PDS5A: variants seen among roughly 807,000 people sequenced by gnomAD.
PDS5A encodes sister chromatid cohesion protein PDS5 homolog A.
PDS5A carries 42 observed loss-of-function variants against 167.1 expected under a neutral mutation model. The observed-to-expected ratio is 0.25, with a 90% confidence interval of 0.20 to 0.33. PDS5A has a LOEUF of 0.33. PDS5A is among the 10% of genes least tolerant of loss of function. The pLI, the probability that PDS5A is intolerant of heterozygous loss-of-function variation, is 1.00. For missense variants in PDS5A, 1,033 were observed against 1,605.9 expected (o/e 0.64, Z 6.10); for synonymous variants, 553 against 554.6 (o/e 1.00, Z 0.04).
intron 26 of PDS5A, among the ~76,000 whole-genome samples, chr4:39,850,069 G>T (rs1024440572): frequency 6.6e-6 from 1 of 151,984 alleles, no homozygotes; most frequent in South Asian, 2.1e-4. Flanking sequence ...TCAGGAGATC[G>T]AGACCATCCT....
chr4:39,901,261 TCTTTC>T (rs1463602587), intron 13 of PDS5A, among the ~76,000 whole-genome samples: 2 of 134,530 alleles, frequency 1.5e-5, no homozygotes, highest in Admixed American at 1.5e-4. Context: ...TTTTTTCTTT[TCTTTC>T]TTTTTTTTTT....
At chr4:39,962,230 G>A (rs1401489370) in intron 2 of PDS5A, among the ~76,000 whole-genome samples, 1 of 151,932 alleles carries the variant, frequency 6.6e-6, no homozygotes, top group Non-Finnish European at 1.5e-5. Flanking sequence ...ACTAATTTTT[G>A]TATTTTTAGT....
At chr4:39,929,518 A>ACTCTCT (rs1478539709) in intron 2 of PDS5A, among the ~76,000 whole-genome samples, 2 of 22,766 alleles carry the variant, frequency 8.8e-5, no homozygotes, top group African/African-American at 4.9e-4. Flanking sequence ...TACTTAATAA[A>ACTCTCT]CTATATATAT....
At chr4:39,974,050 CG>C in intron 2 of PDS5A, 1 of 481,762 alleles carries the variant, frequency 2.1e-6, no homozygotes, top group Non-Finnish European at 3.9e-6. Context: ...GGCGTGAACC[CG>C]GGAGGCGGAG....
intron 16 of PDS5A, chr4:39,898,162 T>C (rs1722585023): frequency 8.1e-7 from 1 of 1,230,988 alleles, no homozygotes; most frequent in African/African-American, 1.6e-5. Context: ...CTTGTAAAAT[T>C]CCTAAGACCA....
In PDS5A at chr4:39,839,702, C is replaced by T. The variant is rs372422030; in HGVS notation, c.3658-1494G>A. Among the ~76,000 whole-genome samples, 5 of 126,874 alleles carry T rather than the reference C, an allele frequency of 3.9e-5. No individual in the cohort carries two copies. The South Asian group carries it at 1.2e-3, about 29-fold the overall frequency. The allele number at this position is 126,874 out of a possible 152,430, so 83.2% of individuals were successfully genotyped here. On this transcript the variant is annotated intron_variant, in intron 31 of 32. Transcript: ENST00000303538. ...TAATATCTAAAATATTTGATGACTA[C>T]AATAAGTATATGGTGAGCAATAAAA...
intron 26 of PDS5A, among the ~76,000 whole-genome samples, chr4:39,857,351 C>CAAAAAAAAAAAAA (rs1188060445): frequency 7.4e-5 from 5 of 67,750 alleles, no homozygotes; most frequent in African/African-American, 2.7e-4. Context: ...GACTCCATCT[C>CAAAAAAAAAAAAA]AAAAAAAAAA....
chr4:39,948,157 C>A (rs1425408836), intron 2 of PDS5A, among the ~76,000 whole-genome samples: 17 of 138,544 alleles, frequency 1.2e-4, no homozygotes, highest in African/African-American at 4.7e-4. Flanking sequence ...AAGACTGAGG[C>A]AGCAGGATTC....
intron 32 of PDS5A, among the ~76,000 whole-genome samples, chr4:39,828,331 G>A (rs1035721370): frequency 5.3e-5 from 8 of 152,312 alleles, no homozygotes; most frequent in Admixed American, 5.2e-4. Context: ...GAGGCCAGGA[G>A]AATTTTGCAT....
intron 2 of PDS5A, among the ~76,000 whole-genome samples, chr4:39,964,967 T>A (rs1729842064): frequency 6.6e-6 from 1 of 151,976 alleles, no homozygotes; most frequent in Admixed American, 6.6e-5. Context: ...AATAATAAAA[T>A]AATAATTTAA....
intron 13 of PDS5A, among the ~76,000 whole-genome samples, chr4:39,901,266 C>CTTTTTTTTTTTTTT (rs772230554): frequency 8.2e-6 from 1 of 121,282 alleles, no homozygotes; most frequent in Non-Finnish European, 1.7e-5. Context: ...TCTTTTCTTT[C>CTTTTTTTTTTTTTT]TTTTTTTTTT....
Position 39,921,469 on chromosome 4 carries a change from C to G in PDS5A, c.655-1070G>C, listed in dbSNP as rs557483973. Among the ~76,000 whole-genome samples the G allele has an allele frequency of 3.3e-5, 5 of 151,916 alleles. No homozygotes were observed. The East Asian group carries it at 9.7e-4, about 29-fold the overall frequency. On this transcript the variant is annotated intron_variant, in intron 6 of 32. Coordinates refer to ENST00000303538, the MANE Select transcript of PDS5A (RefSeq NM_001100399.2). ...AATGCTCTCAAGCCAGATGTGGTTG[C>G]TCATGCCTGTAATCTCAGCACTTCG...
chr4:39,966,815 T>C (rs1178748529), intron 2 of PDS5A, among the ~76,000 whole-genome samples: 1 of 144,924 alleles, frequency 6.9e-6, no homozygotes, highest in African/African-American at 2.6e-5. Flanking sequence ...CTGGCCAACA[T>C]GGTGAAACCC....
chr4:39,868,794 C>T (rs1719765666), intron 22 of PDS5A: 1 of 406,034 alleles, frequency 2.5e-6, no homozygotes, highest in Non-Finnish European at 4.9e-6. Context: ...TATTGACAAC[C>T]AGGAAAAATG....
chr4:39,848,995 TA>T, intron 27 of PDS5A, 25 bp from the exon 28 acceptor site: 1 of 1,475,284 alleles, frequency 6.8e-7, no homozygotes, highest in African/African-American at 1.4e-5. Flanking sequence ...GAATCATATA[TA>T]ACTTTTAGTA....
At chr4:39,908,331 TACC>T in intron 11 of PDS5A, 61 bp downstream of exon 11, 1 of 1,187,288 alleles carries the variant, frequency 8.4e-7, no homozygotes, top group Non-Finnish European at 1.2e-6. Flanking sequence ...CAGAAAATGA[TACC>T]CAATTGTATT....
rs369419469 is a variant in PDS5A at position 39,867,774 on chromosome 4, A to ACACACCCC, written c.2506-778_2506-777insGGGGTGTG. Among the ~76,000 whole-genome samples, 82 of 108,584 alleles carry ACACACCCC rather than the reference A, an allele frequency of 7.6e-4. 2 individuals carry two copies. In the East Asian group the frequency reaches 7.6e-3, roughly 10 times the overall value. 71.2% of individuals were successfully genotyped at this position (108,584 alleles called of 152,430 possible). A position where few individuals can be genotyped will look rare whatever the true frequency, so the allele number is the denominator to read the frequency against. On this transcript the variant is annotated intron_variant, in intron 22 of 32. Transcript: ENST00000303538. ...CACACACACACACACACACACACACACCCCACAACTGTACTGATTGTGGTG... is the reference window on the plus strand; with the variant it reads ...CACACACACACACACACACACACACACACACCCCCCCCACAACTGTACTGATTGTGGTG...
chr4:39,930,950 C>T (rs959653362), intron 2 of PDS5A, among the ~76,000 whole-genome samples: 16 of 152,162 alleles, frequency 1.1e-4, no homozygotes, highest in Non-Finnish European at 2.1e-4. Context: ...ATGCAATCAT[C>T]TATATTTCCA....
chr4:39,833,009 A>C (rs1716044781), intron 32 of PDS5A, among the ~76,000 whole-genome samples: 1 of 148,234 alleles, frequency 6.7e-6, no homozygotes, highest in Non-Finnish European at 1.5e-5. Flanking sequence ...AAAGAAAAAA[A>C]TAATAAATAA....
Sources: gnomAD v4.1 joint callset for allele counts (sites outside exome capture counted in the v4.1 genomes callset) on GRCh38, gnomAD v4.1.1 for gene constraint, MANE v1.5 for transcripts, NCBI Gene and HGNC (gene_info 2026-07-23, HGNC 2026-07-21) for gene names.